Variants in FBXL22 observed in about 807,000 individuals in gnomAD.
The protein encoded by FBXL22 is F-box and leucine-rich protein 22.
Under a neutral mutation model 11.7 loss-of-function variants are expected in FBXL22, and 13 were observed. The ratio of observed to expected loss-of-function variants is 1.11; its 90% CI spans 0.73 to 1.77. The LOEUF is 1.77. Ranked by LOEUF, FBXL22 falls within the 40% of genes most tolerant of loss-of-function variation. FBXL22 has a pLI of 0.00. For synonymous variants in FBXL22, 160 were observed against 144.1 expected (o/e 1.11, Z -0.79); for missense variants, 406 against 320.4 (o/e 1.27, Z -2.04).
At chr15:63,599,282 C>A in intron 1 of FBXL22, 2 of 1,500,064 alleles carry the variant, frequency 1.3e-6, no homozygotes, top group South Asian at 1.3e-5. Flanking sequence ...GGCAGGGGGA[C>A]AGTCCGCTCT....
At chr15:63,601,318 C>CGGAGGCG (rs2067367733), downstream of FBXL22, 1 of 1,593,884 alleles carries the variant, frequency 6.3e-7, no homozygotes, top group Non-Finnish European at 8.5e-7. Flanking sequence ...GCGCTCCCCA[C>CGGAGGCG]GGAGGCGGGA....
chr15:63,604,417 G>A (rs1235822073), downstream of FBXL22, among the ~76,000 whole-genome samples: 1 of 152,104 alleles, frequency 6.6e-6, no homozygotes, highest in Non-Finnish European at 1.5e-5. Context: ...AAGACATAGT[G>A]ATCACAGAAC....
At chr15:63,606,413 G>C (rs1019693965), downstream of FBXL22, among the ~76,000 whole-genome samples, 6 of 152,200 alleles carry the variant, frequency 3.9e-5, no homozygotes, top group African/African-American at 1.4e-4. Flanking sequence ...CATAAAAACT[G>C]CAAGTATCTG....
downstream of FBXL22, chr15:63,602,030 A>T (rs995044862): frequency 3.8e-6 from 1 of 264,668 alleles, no homozygotes; most frequent in Non-Finnish European, 7.2e-6. Flanking sequence ...ACTGGGGAGA[A>T]TTCTGGGTGG....
chr15:63,603,687 G>A (rs2067398544), downstream of FBXL22, among the ~76,000 whole-genome samples: 1 of 152,218 alleles, frequency 6.6e-6, no homozygotes, highest in South Asian at 2.1e-4. Flanking sequence ...CCCTTCTGGG[G>A]ACTGCCAAAG....
chr15:63,606,626 G>A (rs1424716524), downstream of FBXL22, among the ~76,000 whole-genome samples: 1 of 152,196 alleles, frequency 6.6e-6, no homozygotes, highest in African/African-American at 2.4e-5. Context: ...GATCAAGGTG[G>A]AAGGACTGCT....
At chr15:63,600,565 G>A in intron 1 of FBXL22, 132 bp from the exon 2 acceptor site, 3 of 1,229,594 alleles carry the variant, frequency 2.4e-6, no homozygotes, top group Non-Finnish European at 3.0e-6. Context: ...ACCCTGCAGT[G>A]TCATCGCAGC....
At chr15:63,601,246 G>T (rs1215415997), downstream of FBXL22, 2 of 1,513,608 alleles carry the variant, frequency 1.3e-6, no homozygotes, top group Non-Finnish European at 1.8e-6. Context: ...AAAACACTCG[G>T]CTGGTTCTCA....
intron 1 of FBXL22, chr15:63,599,249 G>C: frequency 3.3e-6 from 5 of 1,531,148 alleles, no homozygotes; most frequent in Non-Finnish European, 4.4e-6. Context: ...GCTCAGGTCG[G>C]GAGGAATGGC....
downstream of FBXL22, among the ~76,000 whole-genome samples, chr15:63,606,258 G>C (rs2067412400): frequency 6.6e-6 from 1 of 152,216 alleles, no homozygotes; most frequent in Non-Finnish European, 1.5e-5. Context: ...AAGCTCACAA[G>C]ATGTGGGCTT....
chr15:63,607,825 C>G, the FBXL22 span, among the ~76,000 whole-genome samples: 8 of 152,140 alleles, frequency 5.3e-5, no homozygotes, highest in African/African-American at 1.9e-4. Flanking sequence ...CACAGGCCTT[C>G]CCCTCTTCCT....
chr15:63,603,709 G>T (rs77404471), downstream of FBXL22, among the ~76,000 whole-genome samples: 2,537 of 152,326 alleles, frequency 0.017, 37 homozygotes, highest in South Asian at 0.041. Context: ...GCTCCGGGCT[G>T]GGGCAGTGCT....
chr15:63,604,147 C>T (rs901902018), downstream of FBXL22, among the ~76,000 whole-genome samples: 8 of 152,192 alleles, frequency 5.3e-5, no homozygotes, highest in African/African-American at 1.9e-4. Flanking sequence ...CCATTTCCCT[C>T]ACTTTCTAGC....
chr15:63,599,586 C>T (rs1050336306), intron 1 of FBXL22: 1 of 1,015,022 alleles, frequency 9.9e-7, no homozygotes. Flanking sequence ...GAAGGAGGCC[C>T]GGGCTCGGTG....
chr15:63,606,061 G>A (rs373992596), downstream of FBXL22, among the ~76,000 whole-genome samples: 3 of 152,188 alleles, frequency 2.0e-5, no homozygotes, highest in South Asian at 4.1e-4. Flanking sequence ...GAGCCACCCC[G>A]GCTCTACCAC....
downstream of FBXL22, among the ~76,000 whole-genome samples, chr15:63,607,311 C>T (rs1386976202): frequency 1.3e-5 from 2 of 152,234 alleles, no homozygotes; most frequent in Admixed American, 6.5e-5. Flanking sequence ...TCCCAAAGTG[C>T]TGGGATTACA....
chr15:63,606,389 G>A (rs2067413017), downstream of FBXL22, among the ~76,000 whole-genome samples: 2 of 152,214 alleles, frequency 1.3e-5, no homozygotes, highest in Non-Finnish European at 2.9e-5. Flanking sequence ...GTTTGCTTGA[G>A]GCTGCTTAAG....
downstream of FBXL22, chr15:63,601,356 G>C (rs766782034): frequency 1.9e-6 from 3 of 1,604,196 alleles, no homozygotes; most frequent in Non-Finnish European, 1.7e-6. Flanking sequence ...CGGGGACTCC[G>C]ATCGCCGTTG....
At chr15:63,600,215 C>G (rs1367405162) in intron 1 of FBXL22, 1 of 987,248 alleles carries the variant, frequency 1.0e-6, no homozygotes, top group Non-Finnish European at 1.2e-6. Flanking sequence ...TGGGATGGGC[C>G]TGTCACTAGG....
Sources: allele counts gnomAD v4.1 joint callset (sites outside exome capture counted in the v4.1 genomes callset), GRCh38; gene constraint gnomAD v4.1.1; transcripts MANE v1.5; gene names NCBI Gene and HGNC (gene_info 2026-07-23, HGNC 2026-07-21).